ATRX: variants seen among roughly 807,000 people sequenced by gnomAD.
ATRX encodes ATRX chromatin remodeler.
ATRX carries 12 observed loss-of-function variants against 172.6 expected under a neutral mutation model. The ratio of observed to expected loss-of-function variants is 0.07; its 90% confidence interval spans 0.04 to 0.11. The LOEUF (loss-of-function observed/expected upper bound fraction) is 0.11. Among genes scored for constraint, ATRX ranks in the 10% least tolerant of loss-of-function variants. The probability of loss-of-function intolerance (pLI) is 1.00; values close to 1 mark genes in which losing one functional copy is unlikely to be tolerated. For synonymous variants in ATRX, 674 were observed against 594.7 expected, an observed-to-expected ratio of 1.13 and a Z score of -1.94; for missense variants, 1,368 against 1,767.4, an observed-to-expected ratio of 0.77 and a Z score of 4.05.
At chrX:77,769,961 G>C (rs1290409611) in intron 1 of ATRX, among the ~76,000 whole-genome samples, 1 of 110,274 alleles carries the variant, frequency 9.1e-6, no homozygotes, top group Non-Finnish European at 1.9e-5. Context: ...GCCGGGTGTG[G>C]TGGAACACGC....
chrX:77,717,150 A>C lies in ATRX; in HGVS notation c.114T>G (p.Leu38=), dbSNP rs201353033. 2.5e-6 allele frequency: 3 copies of C among 1,205,803 alleles called. No homozygotes were observed. In the East Asian group the frequency reaches 8.9e-5, roughly 36 times the overall value. ...ESEETSSPPR[L]AMNQNTDKIS... ...ATTTACCTGTGTTTTGATTCATTGCAAGTCGTGGAGGAGAACTTGTTTCTT... is the reference window on the plus strand; with the variant it reads ...ATTTACCTGTGTTTTGATTCATTGCCAGTCGTGGAGGAGAACTTGTTTCTT... Residue 38 remains leucine (L), a synonymous_variant, in exon 2 of 35, where the codon CTT becomes CTG. Transcript: ENST00000373344.
chrX:77,513,183 G>A (rs183866931), intron 34 of ATRX, among the ~76,000 whole-genome samples: 352 of 108,641 alleles, frequency 3.2e-3, no homozygotes, highest in African/African-American at 0.011. Flanking sequence ...TGGGCGTGGT[G>A]GCGGGCACCT....
chrX:77,648,857 T>C (rs1380765378), intron 15 of ATRX, among the ~76,000 whole-genome samples: 1 of 111,303 alleles, frequency 9.0e-6, no homozygotes, highest in Admixed American at 9.6e-5. Flanking sequence ...AAGATCTAAA[T>C]AGTTCTACAT....
chrX:77,560,329 A>G (rs1239020202), intron 28 of ATRX, among the ~76,000 whole-genome samples: 2 of 111,500 alleles, frequency 1.8e-5, no homozygotes, highest in Non-Finnish European at 1.9e-5. Flanking sequence ...ATCATGATAT[A>G]TTTCCTACAG....
At chrX:77,785,480 C>T (rs1557207205) in intron 1 of ATRX, among the ~76,000 whole-genome samples, 1 of 109,285 alleles carries the variant, frequency 9.2e-6, no homozygotes, top group African/African-American at 3.3e-5. Context: ...AAAAAAATCC[C>T]GCAGGGCCCG....
rs942452491 is a variant in ATRX at position 77,508,341 on chromosome X, T to C, written c.*10A>G. ...TGATTTTAACAATCCATTAAGCTTTTAGTGCAAAATCACATTGATTTCCCT... is the reference window on the plus strand; with the variant it reads ...TGATTTTAACAATCCATTAAGCTTTCAGTGCAAAATCACATTGATTTCCCT... On this transcript the variant is annotated 3_prime_UTR_variant, in exon 35 of 35. Coordinates refer to ENST00000373344, the MANE Select transcript of ATRX (RefSeq NM_000489.6). 9.1e-6 allele frequency: 11 copies of C among 1,207,936 alleles called. No homozygotes were observed. Among genetic ancestry groups the C allele is most frequent in the African/African-American group, 1.7e-5 (1 of 57,270 alleles).
chrX:77,724,201 C>G (rs1198032844), intron 1 of ATRX, among the ~76,000 whole-genome samples: 1 of 109,611 alleles, frequency 9.1e-6, no homozygotes, highest in Non-Finnish European at 1.9e-5. Context: ...TCACTTGAGC[C>G]GGGAGGGAGA....
chrX:77,582,273 G>A (rs1393037390), intron 27 of ATRX, among the ~76,000 whole-genome samples: 1 of 109,593 alleles, frequency 9.1e-6, no homozygotes, highest in Non-Finnish European at 1.9e-5. Context: ...GGTGGCGGGC[G>A]CCTGTAATCT....
At chrX:77,751,553 C>T (rs1557187611) in intron 1 of ATRX, among the ~76,000 whole-genome samples, 1 of 111,963 alleles carries the variant, frequency 8.9e-6, no homozygotes, top group African/African-American at 3.2e-5. Flanking sequence ...CTTTTGTTGC[C>T]ATTGCTTTTG....
chrX:77,750,471 G>C (rs967673696), intron 1 of ATRX, among the ~76,000 whole-genome samples: 1 of 111,314 alleles, frequency 9.0e-6, no homozygotes, highest in Non-Finnish European at 1.9e-5. Context: ...AGACACCTAA[G>C]GGAGGAGGTA....
At chrX:77,617,689 C>T (rs1402084883) in intron 21 of ATRX, among the ~76,000 whole-genome samples, 1 of 110,659 alleles carries the variant, frequency 9.0e-6, no homozygotes, top group Non-Finnish European at 1.9e-5. Flanking sequence ...TCAGTACAGA[C>T]ACAATCATCC....
At chrX:77,665,719 G>T (rs1198734269) in intron 10 of ATRX, among the ~76,000 whole-genome samples, 2 of 111,726 alleles carry the variant, frequency 1.8e-5, no homozygotes, top group East Asian at 5.6e-4. Flanking sequence ...ATAAGTCTGG[G>T]TATCCTTTCA....
intron 15 of ATRX, among the ~76,000 whole-genome samples, chrX:77,642,860 T>C (rs1603033838): frequency 1.8e-5 from 2 of 111,215 alleles, no homozygotes; most frequent in East Asian, 5.7e-4. Flanking sequence ...TAGCCAGGCA[T>C]GGTGGTGACC....
intron 25 of ATRX, among the ~76,000 whole-genome samples, chrX:77,598,890 T>C (rs782217012): frequency 8.9e-6 from 1 of 112,426 alleles, no homozygotes; most frequent in African/African-American, 3.2e-5. Context: ...TTGCAGATTA[T>C]GAAGAATCAC....
intron 1 of ATRX, among the ~76,000 whole-genome samples, chrX:77,720,490 G>T (rs782126082): frequency 5.2e-4 from 58 of 110,708 alleles, no homozygotes; most frequent in Non-Finnish European, 8.9e-4. Context: ...ATGATAAAGG[G>T]GATATCACCA....
At chrX:77,691,717 T>TAG (rs782459374) in intron 6 of ATRX, among the ~76,000 whole-genome samples, 1,739 of 111,669 alleles carry the variant, frequency 0.016, 31 homozygotes, top group African/African-American at 0.054. Flanking sequence ...TCTTGACAGT[T>TAG]TCCTAAGTTA....
intron 30 of ATRX, among the ~76,000 whole-genome samples, chrX:77,556,311 AAGAGGG>A (rs1321876406): frequency 4.9e-5 from 1 of 20,501 alleles, no homozygotes; most frequent in African/African-American, 2.3e-4. Flanking sequence ...GAGAGAGGGG[AAGAGGG>A]AGAGGGAGAG....
chrX:77,670,598 T>C (rs2070506859), intron 10 of ATRX, among the ~76,000 whole-genome samples: 1 of 108,822 alleles, frequency 9.2e-6, no homozygotes. Context: ...CTACTAAAAA[T>C]ACAAAAATTA....
chrX:77,688,337 T>C (rs1205475193), intron 7 of ATRX, among the ~76,000 whole-genome samples: 1 of 112,256 alleles, frequency 8.9e-6, no homozygotes, highest in African/African-American at 3.2e-5. Context: ...ACATTTTTAA[T>C]TCTATCATCT....
Sources: allele counts gnomAD v4.1 joint callset (sites outside exome capture counted in the v4.1 genomes callset), GRCh38; gene constraint gnomAD v4.1.1; transcripts MANE v1.5; gene names NCBI Gene and HGNC (gene_info 2026-07-23, HGNC 2026-07-21).